Variants in NRAP observed in about 807,000 individuals in gnomAD.
NRAP encodes the protein nebulin related anchoring protein, also known as nebulin-related-anchoring protein.
In NRAP, 189 loss-of-function variants were observed where a neutral mutation model predicts 225.9. The observed-to-expected ratio is 0.84, with a 90% confidence interval of 0.74 to 0.94. The LOEUF is 0.94. Ranked by LOEUF, NRAP falls within the 40% of genes least tolerant of loss-of-function variation. The pLI is 0.00. For missense variants in NRAP, 2,176 were observed against 2,168.7 expected (o/e 1.00, Z -0.07); for synonymous variants, 769 against 790.7 (o/e 0.97, Z 0.46).
intron 20 of NRAP, among the ~76,000 whole-genome samples, chr10:113,628,487 C>T (rs4554804): frequency 0.29 from 44,012 of 151,962 alleles, 6,586 homozygotes; most frequent in Admixed American, 0.36. Flanking sequence ...CATTTTTATA[C>T]GAGGGAAAGA....
chr10:113,659,068 C>A (rs1011439451), intron 3 of NRAP, among the ~76,000 whole-genome samples: 1 of 152,078 alleles, frequency 6.6e-6, no homozygotes, highest in Non-Finnish European at 1.5e-5. Flanking sequence ...CTTAATGCTA[C>A]TTGATGCATA....
chr10:113,600,716 T>C (rs566823644), intron 35 of NRAP, among the ~76,000 whole-genome samples: 1 of 152,306 alleles, frequency 6.6e-6, no homozygotes. Context: ...CTGTACAGTC[T>C]TGAGCAAGTC....
At chr10:113,615,196 G>A (rs995699100) in intron 27 of NRAP, among the ~76,000 whole-genome samples, 1 of 152,138 alleles carries the variant, frequency 6.6e-6, no homozygotes, top group African/African-American at 2.4e-5. Flanking sequence ...GGAAGCAAAG[G>A]CTTTAGAGTC....
At position 113,629,757 on chromosome 10, in the gene NRAP, C is replaced by A; in HGVS notation, c.1871G>T (p.Ser624Ile). 1 of 1,613,880 alleles carries A rather than the reference C, an allele frequency of 6.2e-7. No individual in the cohort carries two copies. The highest frequency in any genetic ancestry group is 8.5e-7 in the Non-Finnish European group (1 of 1,179,734). The part of the protein sequence containing the change: ...EVEYKKGFEE[S>I]KTRFHLPMDM... Reference sequence around the variant, plus strand: ...CATGGGCAGGTGAAACCGGGTCTTACTCTCTTCAAAGCCTTTCTTATATTC... The same window carrying A: ...CATGGGCAGGTGAAACCGGGTCTTAATCTCTTCAAAGCCTTTCTTATATTC... Residue 624 changes from serine to isoleucine, a missense_variant, in exon 19 of 42, where the codon AGT (serine) becomes ATT (isoleucine). By Grantham distance (142) the Ser-to-Ile change is moderately radical. Around this residue, in one of 3 missense-constraint regions of NRAP, gnomAD observed 1,708 missense variants for 1,695.5 expected, o/e 1.01. Transcript: ENST00000359988.
At chr10:113,629,933 A>C in intron 18 of NRAP, 148 bp from the exon 19 acceptor site, 2 of 625,814 alleles carry the variant, frequency 3.2e-6, no homozygotes, top group Non-Finnish European at 5.7e-6. Context: ...GAAAGGCCCA[A>C]GTCCTGGCTC....
rs187253204 is a variant in NRAP, at chr10:113,641,592, A to G, written c.1216-120T>C. 1.7e-4 allele frequency: 105 copies of G among 635,926 alleles called. No individual in the cohort carries two copies. The East Asian group carries it at 2.6e-3, about 16-fold the overall frequency. 39.4% of individuals were successfully genotyped at this position (635,926 alleles called of 1,614,324 possible). On this transcript the variant is annotated intron_variant, in intron 12 of 41. Transcript: ENST00000359988. The stretch of plus-strand genomic sequence containing the variant: ...ATGATTAAATATAACCCATTTAAAT[A>G]GTCAACGTATCACAGAATAAAAAAT...
At chr10:113,618,194 C>T (rs1256469155) in intron 25 of NRAP, among the ~76,000 whole-genome samples, 1 of 151,488 alleles carries the variant, frequency 6.6e-6, no homozygotes, top group Non-Finnish European at 1.5e-5. Context: ...ACCTAGATAC[C>T]CAATTTTGAA....
intron 14 of NRAP, among the ~76,000 whole-genome samples, chr10:113,634,552 C>T (rs567741756): frequency 1.4e-4 from 22 of 152,314 alleles, no homozygotes; most frequent in African/African-American, 5.3e-4. Context: ...CTGCTGGTAA[C>T]ACAAAGTGTT....
Position 113,605,766 on chromosome 10 carries a change from C to G in NRAP, c.3911G>C (p.Ser1304Thr). ...AGGTCATATCATTCAACTCACATCA[C>G]TGGCTATATCTCCAGAGGCCCGGGC... ...QAARASGDIA[S>T]DFLYRHDFVK... The change falls in exon 34 of 42, where the codon AGT becomes ACT. Residue 1304 changes from serine to threonine, a missense_variant. By Grantham distance (58) the Ser-to-Thr change is moderately conservative (BLOSUM62 1). Transcript: ENST00000359988. 2 of 1,602,798 alleles carry G rather than the reference C, an allele frequency of 1.2e-6. No homozygotes were observed. Among genetic ancestry groups the G allele is most frequent in the Non-Finnish European group, 1.7e-6 (2 of 1,169,744 alleles).
At chr10:113,627,274 G>C (rs978064137) in intron 20 of NRAP, among the ~76,000 whole-genome samples, 1 of 152,198 alleles carries the variant, frequency 6.6e-6, no homozygotes, top group African/African-American at 2.4e-5. Context: ...GAAATTCCTA[G>C]TTAACCCAGA....
At chr10:113,619,399 C>G (rs2133971752) in intron 25 of NRAP, among the ~76,000 whole-genome samples, 1 of 152,242 alleles carries the variant, frequency 6.6e-6, no homozygotes, top group Non-Finnish European at 1.5e-5. Context: ...GCAGTGCTAT[C>G]CCCATGGAGT....
At chr10:113,643,482 A>G (rs1453835147) in intron 11 of NRAP, among the ~76,000 whole-genome samples, 8 of 152,188 alleles carry the variant, frequency 5.3e-5, no homozygotes, top group Admixed American at 5.2e-4. Flanking sequence ...CCCACTATAC[A>G]TTTATGATGT....
Position 113,631,538 on chromosome 10 carries a change from A to C in NRAP, c.1813T>G (p.Ser605Ala). The C allele has an allele frequency of 6.2e-7, 1 of 1,609,868 alleles. No individual in the cohort carries two copies. The highest frequency in any genetic ancestry group is 8.5e-7 in the Non-Finnish European group (1 of 1,177,058). The change falls in exon 18 of 42, where the codon TCC becomes GCC. Residue 605 changes from serine (S) to alanine (A), a missense_variant. This residue lies in a region of NRAP where 1,708 missense variants were observed against 1,695.5 expected (regional missense o/e 1.01). Transcript: ENST00000359988. ...CTGCTCATCTTAGCAATCTGCAGGGAGTGCAGAAGCCTAGAGTCGGCTGTT... is the reference window on the plus strand; with the variant it reads ...CTGCTCATCTTAGCAATCTGCAGGGCGTGCAGAAGCCTAGAGTCGGCTGTT... ...MGTADSRLLHSLQIAKMSSEV... is the reference protein window; with the variant it reads ...MGTADSRLLHALQIAKMSSEV...
intron 3 of NRAP, among the ~76,000 whole-genome samples, chr10:113,658,881 CA>C (rs57340533): frequency 0.25 from 19,465 of 78,050 alleles, 1,099 homozygotes; most frequent in African/African-American, 0.3. Context: ...GACCCTGTCT[CA>C]AAAAAAAAAA....
intron 38 of NRAP, among the ~76,000 whole-genome samples, chr10:113,594,676 T>C (rs532780218): frequency 2.0e-5 from 3 of 152,318 alleles, no homozygotes; most frequent in East Asian, 1.9e-4. Context: ...ATGGTCATAA[T>C]AACTCATATT....
chr10:113,651,292 A>G (rs1849950135), intron 7 of NRAP, among the ~76,000 whole-genome samples: 1 of 152,180 alleles, frequency 6.6e-6, no homozygotes, highest in African/African-American at 2.4e-5. Flanking sequence ...CTTAAGTGCA[A>G]ACCACTACAT....
In NRAP at chr10:113,651,875, GA is replaced by G. The variant is rs1564758675; in HGVS notation, c.602del (p.Ile201ThrfsTer26). The G allele has an allele frequency of 6.2e-7, 1 of 1,613,160 alleles. No homozygotes were observed. Among genetic ancestry groups the G allele is most frequent in the South Asian group, 1.1e-5 (1 of 91,046 alleles). The part of the protein sequence containing the change: ...VEYKRGHDER[I>X]SRFSTVVDTP... ...TATCCACCACCGTGGAGAACCTGGA[GA>G]TGCGTTCATCATGCCCTCTCTTATA... On this transcript the variant is annotated frameshift_variant, in exon 7 of 42. Coordinates refer to ENST00000359988, the MANE Select transcript of NRAP (RefSeq NM_198060.4). LOFTEE classifies it high-confidence loss of function.
rs544464409 is a variant in NRAP at position 113,628,257 on chromosome 10, G to A, written c.2145+660C>T. On this transcript the variant is annotated intron_variant, in intron 20 of 41. Coordinates refer to ENST00000359988, the MANE Select transcript of NRAP (RefSeq NM_198060.4). ...GGCTGGAGAGCAGTGGCACGATCTC[G>A]GTTCACTGCAACCTCTGCCTCCCAG... 9.2e-5 allele frequency among the ~76,000 whole-genome samples: 14 copies of A among 152,152 alleles called. 1 individual carries two copies. Among genetic ancestry groups the A allele is most frequent in the African/African-American group, 2.9e-4 (12 of 41,482 alleles).
At chr10:113,591,573 C>T (rs142297186) in intron 39 of NRAP, among the ~76,000 whole-genome samples, 217 of 152,332 alleles carry the variant, frequency 1.4e-3, no homozygotes, top group African/African-American at 5.1e-3. Context: ...CAATTGTGGA[C>T]CAGCAGGAAA....
Sources: gnomAD v4.1 joint callset for allele counts (sites outside exome capture counted in the v4.1 genomes callset) on GRCh38, gnomAD v4.1.1 for gene constraint, gnomAD v4.1.1 regional missense constraint, MANE v1.5 for transcripts, NCBI Gene and HGNC (gene_info 2026-07-23, HGNC 2026-07-21) for gene names.